The following SOX6 variants were observed in gnomAD, a reference collection of about 807,000 sequenced individuals.
SOX6 encodes transcription factor SOX-6.
SOX6 carries 11 observed loss-of-function variants against 97.8 expected under a neutral mutation model. That is an observed-to-expected ratio of 0.11 (90% CI 0.07 to 0.19). SOX6 has a LOEUF of 0.19. Ranked by LOEUF, SOX6 falls within the 10% of genes least tolerant of loss-of-function variation. The probability of loss-of-function intolerance (pLI) is 1.00; values close to 1 mark genes in which losing one functional copy is unlikely to be tolerated. For missense variants in SOX6, 810 were observed against 1,039.5 expected (o/e 0.78, Z 3.04); for synonymous variants, 360 against 371.4 (o/e 0.97, Z 0.35).
At chr11:16,056,644 C>T (rs553674405) in intron 9 of SOX6, among the ~76,000 whole-genome samples, 3 of 152,212 alleles carry the variant, frequency 2.0e-5, no homozygotes, top group South Asian at 2.1e-4. Flanking sequence ...CATTTATCTT[C>T]GTCATATTCT....
At chr11:16,145,527 A>G (rs1329189395) in intron 6 of SOX6, among the ~76,000 whole-genome samples, 1 of 152,222 alleles carries the variant, frequency 6.6e-6, no homozygotes, top group Non-Finnish European at 1.5e-5. Flanking sequence ...AAAGAAATAA[A>G]GGGTATTCAA....
chr11:16,208,476 T>C (rs1437558971), intron 4 of SOX6, among the ~76,000 whole-genome samples: 5 of 152,252 alleles, frequency 3.3e-5, no homozygotes, highest in Non-Finnish European at 5.9e-5. Flanking sequence ...TCAACTGTAC[T>C]AGTCTTTGAA....
intron 4 of SOX6, among the ~76,000 whole-genome samples, chr11:16,482,950 T>C (rs1860368939): frequency 6.6e-6 from 1 of 152,214 alleles, no homozygotes; most frequent in African/African-American, 2.4e-5. Context: ...TTGGTGCCAC[T>C]GTCTTAATGT....
At position 15,993,066 on chromosome 11, in the gene SOX6, C is replaced by T. The variant is rs138444013; in HGVS notation, c.1733-3836G>A. On this transcript the variant is annotated intron_variant, in intron 13 of 15. Transcript: ENST00000683767. ...AAACAAAATGGTTAAAGAATTGTTGCCGCAGTAGAAATACATATGATTATG... is the reference window on the plus strand; with the variant it reads ...AAACAAAATGGTTAAAGAATTGTTGTCGCAGTAGAAATACATATGATTATG... Among the ~76,000 whole-genome samples, 18 of 152,102 alleles carry T rather than the reference C, an allele frequency of 1.2e-4. No individual in the cohort carries two copies. The East Asian group carries it at 3.5e-3, about 29-fold the overall frequency.
intron 2 of SOX6, among the ~76,000 whole-genome samples, chr11:16,727,511 A>G (rs116619077): frequency 0.011 from 1,736 of 151,316 alleles, 26 homozygotes; most frequent in African/African-American, 0.04. Flanking sequence ...CTCACAGAAC[A>G]CTTGACCTCC....
rs900508314 is a variant in SOX6, at chr11:16,607,935, A to G, written n.609+4146T>C. On this transcript the variant is annotated intron_variant and non_coding_transcript_variant, in intron 4 of 5. Transcript: ENST00000524520. The surrounding 1 kb of genome is among the most constrained non-coding windows in gnomAD (Gnocchi z 6.5). ...AGAGCGGGAGGCAAAGGCAAGAGAG[A>G]GCCGCAAAGAGAGAGGAGGGCAGAG... Among the ~76,000 whole-genome samples, 1 of 152,002 alleles carries G rather than the reference A, an allele frequency of 6.6e-6. No homozygotes were observed. The highest frequency in any genetic ancestry group is 2.4e-5 in the African/African-American group (1 of 41,372).
At chr11:16,148,844 C>T (rs761707870) in intron 6 of SOX6, among the ~76,000 whole-genome samples, 2 of 152,034 alleles carry the variant, frequency 1.3e-5, no homozygotes, top group African/African-American at 2.4e-5. Flanking sequence ...TGCCCTTCCC[C>T]CAACATTAAG....
At chr11:16,569,614 C>T (rs113888239) in intron 4 of SOX6, among the ~76,000 whole-genome samples, 18 of 152,074 alleles carry the variant, frequency 1.2e-4, no homozygotes, top group African/African-American at 2.7e-4. Context: ...TAGCAATGTA[C>T]CACCTTGCAT....
chr11:16,646,970 C>A (rs1849024345), intron 3 of SOX6, among the ~76,000 whole-genome samples: 1 of 152,220 alleles, frequency 6.6e-6, no homozygotes. Context: ...ACACTGTTTT[C>A]CATAGTAGTT....
At position 16,577,268 on chromosome 11, in the gene SOX6, G is replaced by T. The variant is rs186381406; in HGVS notation, n.609+34813C>A. ...TTATTAAATTAGTTAAGCAAAAAGGGCATGGCTAGAGAAATACTTAACTTC... is the reference window on the plus strand; with the variant it reads ...TTATTAAATTAGTTAAGCAAAAAGGTCATGGCTAGAGAAATACTTAACTTC... On this transcript the variant is annotated intron_variant and non_coding_transcript_variant, in intron 4 of 5. Transcript: ENST00000524520. 594 of 152,160 alleles carry T rather than the reference G, an allele frequency of 3.9e-3. 3 individuals carry two copies. The highest frequency in any genetic ancestry group is 0.014 in the African/African-American group (575 of 41,510). The allele number at this position is 152,160 out of a possible 1,614,324, so 9.4% of individuals were successfully genotyped here.
At chr11:16,427,046 T>C (rs1409137488) in intron 1 of SOX6, among the ~76,000 whole-genome samples, 1 of 151,832 alleles carries the variant, frequency 6.6e-6, no homozygotes, top group South Asian at 2.1e-4. Flanking sequence ...GGCAATACCA[T>C]TCAGGACATA....
chr11:16,526,143 C>G (rs1320871493), intron 4 of SOX6, among the ~76,000 whole-genome samples: 1 of 152,094 alleles, frequency 6.6e-6, no homozygotes, highest in East Asian at 1.9e-4. Flanking sequence ...GGTATATACC[C>G]AAAGGACTAT....
intron 10 of SOX6, among the ~76,000 whole-genome samples, chr11:16,052,775 T>G (rs1393681122): frequency 6.6e-6 from 1 of 152,140 alleles, no homozygotes; most frequent in East Asian, 1.9e-4. Context: ...CTAAGCATTT[T>G]TAGGCAAGGT....
Position 16,049,909 on chromosome 11 carries a change from G to C in SOX6, c.1281C>G (p.Leu427=). 6.2e-7 allele frequency: 1 copy of C among 1,613,752 alleles called. No individual in the cohort carries two copies. Among genetic ancestry groups the C allele is most frequent in the South Asian group, 1.1e-5 (1 of 91,074 alleles). ...KDEAAAQPLN[L]SSRPKTAEPV... ...GCTCTGCTGTCTTGGGTCGGGATGA[G>C]AGATTCAGAGGCTGTGCTGCTGCTT... Residue 427 remains leucine, a synonymous_variant, in exon 11 of 16, where the codon CTC becomes CTG. Coordinates refer to ENST00000683767, the MANE Select transcript of SOX6 (RefSeq NM_001367873.1).
chr11:16,199,896 C>T (rs1851886585), intron 4 of SOX6, among the ~76,000 whole-genome samples: 1 of 152,058 alleles, frequency 6.6e-6, no homozygotes, highest in South Asian at 2.1e-4. Flanking sequence ...ATAAATTATA[C>T]AAACTAAGCA....
In SOX6 at chr11:16,664,611, G is replaced by C. The variant is rs938013110; in HGVS notation, n.429+50219C>G. On this transcript the variant is annotated intron_variant and non_coding_transcript_variant, in intron 3 of 5. Coordinates refer to the SOX6 transcript ENST00000524520. ...GGGTCCTAAATAAACTTGAAAGGCA[G>C]TCTAGGCCACAAAGACTATTATTCC... is the stretch of plus-strand genomic sequence containing the variant. Among the ~76,000 whole-genome samples, 4 of 152,118 alleles carry C rather than the reference G, an allele frequency of 2.6e-5. No individual in the cohort carries two copies. In the South Asian group the frequency reaches 8.3e-4, roughly 31 times the overall value.
chr11:16,304,366 C>T (rs1467182196), intron 3 of SOX6, among the ~76,000 whole-genome samples: 1 of 152,066 alleles, frequency 6.6e-6, no homozygotes, highest in African/African-American at 2.4e-5. Context: ...GAGGGCTCCA[C>T]CTTCATGAAT....
chr11:16,088,981 A>C (rs1848628476), intron 9 of SOX6, among the ~76,000 whole-genome samples: 2 of 152,208 alleles, frequency 1.3e-5, no homozygotes, highest in Non-Finnish European at 2.9e-5. Context: ...CTGACAAGGC[A>C]TCAAGGATTA....
At chr11:16,233,888 G>GC (rs746957832) in intron 4 of SOX6, among the ~76,000 whole-genome samples, 14 of 151,138 alleles carry the variant, frequency 9.3e-5, no homozygotes, top group Non-Finnish European at 1.6e-4. Context: ...ACGCCTATAG[G>GC]CCCAGCTACT....
Sources: allele counts gnomAD v4.1 joint callset (sites outside exome capture counted in the v4.1 genomes callset), GRCh38; gene constraint gnomAD v4.1.1; non-coding constraint Gnocchi (gnomAD v3.1); transcripts MANE v1.5; gene names NCBI Gene and HGNC (gene_info 2026-07-23, HGNC 2026-07-21).